Variants in AXIN1 observed in about 807,000 individuals in gnomAD.
AXIN1 encodes the protein axin 1.
A neutral mutation model predicts 76.4 loss-of-function variants in AXIN1; 30 were observed. That is an observed-to-expected ratio of 0.39 (90% CI 0.29 to 0.53). The LOEUF is 0.53. Among genes scored for constraint, AXIN1 ranks in the 20% least tolerant of loss-of-function variants. The pLI is 0.66. For missense variants in AXIN1, 1,140 were observed against 1,198.8 expected (o/e 0.95, Z 0.72); for synonymous variants, 545 against 501.4 (o/e 1.09, Z -1.16).
At chr16:351,709 C>A (rs968911221) in intron 1 of AXIN1, among the ~76,000 whole-genome samples, 1 of 152,014 alleles carries the variant, frequency 6.6e-6, no homozygotes. Flanking sequence ...GAATTCAACA[C>A]CTGCTGGGCA....
chr16:344,171 G>A (rs937243169), intron 2 of AXIN1, among the ~76,000 whole-genome samples: 30 of 151,982 alleles, frequency 2.0e-4, no homozygotes, highest in Middle Eastern at 6.8e-3. Flanking sequence ...GGTGGCCCAC[G>A]TCTGTAATCC....
rs1470844786 is a variant in AXIN1 at position 314,655 on chromosome 16, G to A, written c.907C>T (p.Pro303Ser). The A allele has an allele frequency of 2.5e-6, 4 of 1,613,926 alleles. No homozygotes were observed. Among genetic ancestry groups the A allele is most frequent in the South Asian group, 2.2e-5 (2 of 91,084 alleles). Residue 303 changes from proline to serine, a missense_variant, in exon 3 of 11, where the codon CCC becomes TCC. Physicochemically the swap from Pro to Ser is moderately conservative, Grantham distance 74. This residue lies in a region of AXIN1 where 708 missense variants were observed against 776.9 expected (regional missense o/e 0.91). Coordinates refer to ENST00000262320, the MANE Select transcript of AXIN1 (RefSeq NM_003502.4). ...RYGSWREPVN[P>S]YYVNAGYALA... ...GCATAGCCGGCATTGACATAATAGG[G>A]GTTGACTGGCTCCCGCCAGGATCCA...
At position 301,304 on chromosome 16, in the gene AXIN1, A is replaced by C. The variant is rs1248060737; in HGVS notation, c.1254+3000T>G. On this transcript the variant is annotated intron_variant, in intron 5 of 10. Coordinates refer to ENST00000262320, the MANE Select transcript of AXIN1 (RefSeq NM_003502.4). The stretch of plus-strand genomic sequence containing the variant: ...AAACAAAACAAAGCAAAAAAAAAAA[A>C]AAAACTGGAGTTATTCCTTTTAGGG... Among the ~76,000 whole-genome samples, 8 of 152,002 alleles carry C rather than the reference A, an allele frequency of 5.3e-5. 1 individual carries two copies. The highest frequency in any genetic ancestry group is 1.9e-4 in the East Asian group (1 of 5,162).
chr16:349,991 G>A (rs1024243973), intron 1 of AXIN1, among the ~76,000 whole-genome samples: 3 of 152,242 alleles, frequency 2.0e-5, no homozygotes, highest in South Asian at 2.1e-4. Flanking sequence ...GTTTCACCAC[G>A]TTGGCCAGGC....
chr16:300,720 C>T (rs1473861786), intron 5 of AXIN1, among the ~76,000 whole-genome samples: 2 of 152,160 alleles, frequency 1.3e-5, no homozygotes, highest in East Asian at 1.9e-4. Flanking sequence ...CATCCCCTGG[C>T]GGATGCAGCT....
rs994705139 is a variant in AXIN1 at position 297,335 on chromosome 16, C to A, written c.1785-109G>T. The A allele has an allele frequency of 2.6e-5, 37 of 1,430,890 alleles. No homozygotes were observed. The African/African-American group carries it at 5.1e-4, about 20-fold the overall frequency. 88.6% of individuals were successfully genotyped at this position (1,430,890 alleles called of 1,614,324 possible). ...CATCTGTAAGGCTCCCGTGGTGCAGCCGCCGCCCGCTGTCCCCTGCCCGCT... is the reference window on the plus strand; with the variant it reads ...CATCTGTAAGGCTCCCGTGGTGCAGACGCCGCCCGCTGTCCCCTGCCCGCT... On this transcript the variant is annotated intron_variant, in intron 6 of 10. Transcript: ENST00000262320.
rs751135812 is a variant in AXIN1, at chr16:346,792, G to A, written c.234C>T (p.Pro78=). 1.3e-5 allele frequency: 21 copies of A among 1,612,234 alleles called. No homozygotes were observed. The highest frequency in any genetic ancestry group is 1.7e-5 in the Admixed American group (1 of 59,970). ...LGYEPEGSAS[P]TPPYLKWAES... ...CAGCCCACTTCAAGTATGGTGGGGT[G>A]GGGGAGGCACTGCCCTCAGGCTCAT... The change falls in exon 2 of 11, where the codon CCC becomes CCT. Residue 78 remains proline (P), a synonymous_variant. Transcript: ENST00000262320.
intron 2 of AXIN1, among the ~76,000 whole-genome samples, chr16:324,013 G>A (rs1449852253): frequency 6.6e-6 from 1 of 152,156 alleles, no homozygotes; most frequent in Non-Finnish European, 1.5e-5. Context: ...AGTCCATGGG[G>A]AGACCTGTCC....
chr16:297,916 G>A lies in AXIN1; in HGVS notation c.1590C>T (p.His530=), dbSNP rs1260693069. ...SGAKLDAAGL[H]HHRHVHHHVH... is the part of the protein sequence containing the mutation. Reference sequence around the variant, plus strand: ...CGTGGTGGTGGACGTGTCGGTGGTGGTGCAGGCCGGCCGCGTCCAGCTTCG... The same window carrying A: ...CGTGGTGGTGGACGTGTCGGTGGTGATGCAGGCCGGCCGCGTCCAGCTTCG... Residue 530 remains histidine (H), a synonymous_variant, in exon 6 of 11, where the codon CAC becomes CAT. Coordinates refer to ENST00000262320, the MANE Select transcript of AXIN1 (RefSeq NM_003502.4). 1.3e-6 allele frequency: 2 copies of A among 1,597,426 alleles called. No individual in the cohort carries two copies. Among genetic ancestry groups the A allele is most frequent in the Non-Finnish European group, 1.7e-6 (2 of 1,171,464 alleles).
intron 6 of AXIN1, 107 bp from the exon 7 acceptor site, chr16:297,333 A>G: frequency 6.9e-7 from 1 of 1,455,642 alleles, no homozygotes; most frequent in Non-Finnish European, 9.4e-7. Context: ...CCCGTGGTGC[A>G]GCCGCCGCCC....
chr16:302,125 C>T (rs1189353474), intron 5 of AXIN1, among the ~76,000 whole-genome samples: 1 of 152,262 alleles, frequency 6.6e-6, no homozygotes, highest in Admixed American at 6.5e-5. Context: ...GCTCCAGTGA[C>T]CACCAGGTCT....
Position 287,472 on chromosome 16 carries a change from T to C in AXIN1, c.*650A>G. On this transcript the variant is annotated 3_prime_UTR_variant, in exon 11 of 11. Transcript: ENST00000262320. ...CAAAAACAGTTTTATTTCATTATTATCCAAGTACCTTTGAAAAGATAATTA... is the reference window on the plus strand; with the variant it reads ...CAAAAACAGTTTTATTTCATTATTACCCAAGTACCTTTGAAAAGATAATTA... 2.5e-6 allele frequency: 1 copy of C among 398,614 alleles called. No individual in the cohort carries two copies. Among genetic ancestry groups the C allele is most frequent in the Non-Finnish European group, 4.5e-6 (1 of 222,978 alleles). The allele number at this position is 398,614 out of a possible 1,614,324, so 24.7% of individuals were successfully genotyped here.
At chr16:330,441 G>C (rs1054176459) in intron 2 of AXIN1, among the ~76,000 whole-genome samples, 3 of 152,188 alleles carry the variant, frequency 2.0e-5, no homozygotes, top group Admixed American at 2.0e-4. Flanking sequence ...TGTACATGAA[G>C]AACACTTTGA....
chr16:342,120 TTC>T (rs1175551822), intron 2 of AXIN1, among the ~76,000 whole-genome samples: 2 of 152,166 alleles, frequency 1.3e-5, no homozygotes, highest in African/African-American at 2.4e-5. Flanking sequence ...GCTTTGTTCT[TTC>T]TCTCTTTCCA....
Position 341,675 on chromosome 16 carries a change from C to T in AXIN1, c.878+4473G>A, listed in dbSNP as rs189648793. Among the ~76,000 whole-genome samples the T allele has an allele frequency of 1.2e-3, 180 of 152,360 alleles. 2 individuals carry two copies. Among genetic ancestry groups the T allele is most frequent in the East Asian group, 9.8e-3 (51 of 5,188 alleles). Reference sequence around the variant, plus strand: ...GGCAGCTCCACCTGCAACCCCGGTGCGGGATCCACTGGGTGAAGCCAGCTG... The same window carrying T: ...GGCAGCTCCACCTGCAACCCCGGTGTGGGATCCACTGGGTGAAGCCAGCTG... On this transcript the variant is annotated intron_variant, in intron 2 of 10. Coordinates refer to ENST00000262320, the MANE Select transcript of AXIN1 (RefSeq NM_003502.4).
chr16:297,279 C>T lies in AXIN1; in HGVS notation c.1785-53G>A, dbSNP rs1214278485. 16 of 1,596,852 alleles carry T rather than the reference C, an allele frequency of 1.0e-5. 1 individual carries two copies. The highest frequency in any genetic ancestry group is 1.4e-5 in the Non-Finnish European group (16 of 1,177,472). On this transcript the variant is annotated intron_variant, in intron 6 of 10. Coordinates refer to ENST00000262320, the MANE Select transcript of AXIN1 (RefSeq NM_003502.4). ...CTGGCCTCCGGTGGCCGAGGCTGTG[C>T]CCCTTCCTCGTCTGCGAGGCCCCCT... is the stretch of plus-strand genomic sequence containing the variant.
intron 3 of AXIN1, among the ~76,000 whole-genome samples, chr16:310,610 G>A (rs1464655976): frequency 2.0e-5 from 3 of 152,232 alleles, no homozygotes; most frequent in Non-Finnish European, 4.4e-5. Flanking sequence ...TGTTAGCCAG[G>A]AGAGTCTCGA....
chr16:290,728 C>T (rs1391184158), intron 9 of AXIN1: 1 of 312,518 alleles, frequency 3.2e-6, no homozygotes, highest in Non-Finnish European at 6.3e-6. Flanking sequence ...AGAGCCCCGA[C>T]TCACTGACTG....
chr16:318,997 C>T (rs548703362), intron 2 of AXIN1, among the ~76,000 whole-genome samples: 6 of 146,308 alleles, frequency 4.1e-5, no homozygotes, highest in South Asian at 2.2e-4. Context: ...GGAGAGAATG[C>T]GGCCGGAGAC....
Sources: gnomAD v4.1 joint callset for allele counts (sites outside exome capture counted in the v4.1 genomes callset) on GRCh38, gnomAD v4.1.1 for gene constraint, gnomAD v4.1.1 regional missense constraint, MANE v1.5 for transcripts, NCBI Gene and HGNC (gene_info 2026-07-23, HGNC 2026-07-21) for gene names.